GABBR2: variants seen among roughly 807,000 people sequenced by gnomAD.
GABBR2 encodes gamma-aminobutyric acid type B receptor subunit 2, also known as G-protein coupled receptor 51.
In GABBR2, 23 loss-of-function variants were observed where a neutral mutation model predicts 105.6. The observed-to-expected ratio is 0.22, with a 90% CI of 0.16 to 0.31. The LOEUF (loss-of-function observed/expected upper bound fraction) is 0.31, where lower values mean the gene tolerates loss of function less well. GABBR2 is among the 10% of genes least tolerant of loss of function. The pLI, the probability that GABBR2 is intolerant of heterozygous loss-of-function variation, is 1.00. For missense variants in GABBR2, 734 were observed against 1,245.5 expected (o/e 0.59, Z 6.18); for synonymous variants, 478 against 499.7 (o/e 0.96, Z 0.58).
chr9:98,529,793 A>G (rs1460357058), intron 3 of GABBR2, among the ~76,000 whole-genome samples: 1 of 151,568 alleles, frequency 6.6e-6, no homozygotes, highest in African/African-American at 2.4e-5. Context: ...GACTGCTACT[A>G]TCTCACTTCT....
At chr9:98,382,093 G>A (rs1831987269) in intron 11 of GABBR2, among the ~76,000 whole-genome samples, 1 of 152,158 alleles carries the variant, frequency 6.6e-6, no homozygotes, top group South Asian at 2.1e-4. Flanking sequence ...GTCTGCTGCA[G>A]GAATCTCTGC....
Position 98,617,152 on chromosome 9 carries a change from A to T in GABBR2, c.322-39080T>A, listed in dbSNP as rs552635759. On this transcript the variant is annotated intron_variant, in intron 1 of 18. Transcript: ENST00000259455. ...TCCACCACGATAAATTCTCTTTATGATGGATGATCACAAGTTTCTGTCAGA... is the reference window on the plus strand; with the variant it reads ...TCCACCACGATAAATTCTCTTTATGTTGGATGATCACAAGTTTCTGTCAGA... Among the ~76,000 whole-genome samples the T allele has an allele frequency of 1.3e-3, 204 of 152,282 alleles. 1 individual carries two copies. Among genetic ancestry groups the T allele is most frequent in the African/African-American group, 4.6e-3 (193 of 41,552 alleles).
At chr9:98,700,432 G>A (rs986008600) in intron 1 of GABBR2, among the ~76,000 whole-genome samples, 1 of 152,202 alleles carries the variant, frequency 6.6e-6, no homozygotes, top group Non-Finnish European at 1.5e-5. Context: ...GGGGATTCTA[G>A]AGCCTGGCTC....
chr9:98,639,599 C>CAAAA (rs113683310), intron 1 of GABBR2, among the ~76,000 whole-genome samples: 1 of 141,210 alleles, frequency 7.1e-6, no homozygotes, highest in African/African-American at 2.6e-5. Context: ...CACGCATAGA[C>CAAAA]AAAAAAAAAA....
chr9:98,650,977 T>G (rs1291125959), intron 1 of GABBR2, among the ~76,000 whole-genome samples: 4 of 152,090 alleles, frequency 2.6e-5, no homozygotes, highest in Non-Finnish European at 4.4e-5. Flanking sequence ...ATGGAAAAGA[T>G]TATTGAGTAG....
intron 11 of GABBR2, among the ~76,000 whole-genome samples, chr9:98,385,319 C>T (rs1444046347): frequency 6.6e-6 from 1 of 152,226 alleles, no homozygotes; most frequent in African/African-American, 2.4e-5. Flanking sequence ...CCTCCCTCCT[C>T]AGCCTCCTGA....
chr9:98,567,025 A>G (rs1208015369), intron 2 of GABBR2, among the ~76,000 whole-genome samples: 1 of 152,148 alleles, frequency 6.6e-6, no homozygotes, highest in African/African-American at 2.4e-5. Flanking sequence ...TCTAGATGCA[A>G]TCTGTAATTC....
At chr9:98,427,918 G>T (rs1436536657) in intron 7 of GABBR2, among the ~76,000 whole-genome samples, 1 of 152,154 alleles carries the variant, frequency 6.6e-6, no homozygotes, top group African/African-American at 2.4e-5. Context: ...CAGCACTAGT[G>T]AGCCTTAGAA....
intron 1 of GABBR2, among the ~76,000 whole-genome samples, chr9:98,597,681 C>G (rs762765888): frequency 1.3e-5 from 2 of 152,058 alleles, no homozygotes; most frequent in African/African-American, 4.8e-5. Flanking sequence ...CCAGAGCCAC[C>G]TGGGGTGAGG....
chr9:98,318,210 C>G (rs890521724), intron 13 of GABBR2, among the ~76,000 whole-genome samples: 1 of 152,168 alleles, frequency 6.6e-6, no homozygotes, highest in South Asian at 2.1e-4. Flanking sequence ...TTCAGGTGCG[C>G]GGTCCCGGGT....
At chr9:98,608,219 A>G (rs1588250320) in intron 1 of GABBR2, 1 of 808,500 alleles carries the variant, frequency 1.2e-6, no homozygotes, top group East Asian at 2.7e-5. Flanking sequence ...GACCAATTTG[A>G]GCCAGTTTTA....
intron 11 of GABBR2, among the ~76,000 whole-genome samples, chr9:98,372,948 ATTTTCT>A (rs111775866): frequency 0.14 from 21,773 of 151,662 alleles, 1,724 homozygotes; most frequent in Middle Eastern, 0.2. Context: ...TTAGCCTTCT[ATTTTCT>A]TTTTCTTTTT....
intron 1 of GABBR2, among the ~76,000 whole-genome samples, chr9:98,656,616 G>A (rs1225937266): frequency 1.3e-5 from 2 of 152,118 alleles, no homozygotes; most frequent in African/African-American, 2.4e-5. Flanking sequence ...TAATTACCCC[G>A]TATGTTGCTT....
chr9:98,367,298 T>TTA (rs1554695806), intron 12 of GABBR2, among the ~76,000 whole-genome samples: 2 of 110,198 alleles, frequency 1.8e-5, no homozygotes, highest in South Asian at 3.1e-4. Context: ...TATATGTCAG[T>TTA]AAAAAAAAAA....
chr9:98,395,926 T>C (rs1020552352), intron 8 of GABBR2, among the ~76,000 whole-genome samples: 4 of 152,140 alleles, frequency 2.6e-5, no homozygotes, highest in African/African-American at 9.7e-5. Context: ...AGTGCTATTT[T>C]ATGTACATTT....
At chr9:98,631,239 G>A (rs1219713849) in intron 1 of GABBR2, among the ~76,000 whole-genome samples, 2 of 152,144 alleles carry the variant, frequency 1.3e-5, no homozygotes, top group Non-Finnish European at 2.9e-5. Flanking sequence ...GCAGCACAGG[G>A]TACAAAGTCC....
chr9:98,318,042 C>T (rs187127885), intron 13 of GABBR2, among the ~76,000 whole-genome samples: 19 of 152,232 alleles, frequency 1.2e-4, no homozygotes, highest in Admixed American at 1.2e-3. Flanking sequence ...TGGCAGAAGG[C>T]ATGGCAAGGG....
At chr9:98,678,762 A>C (rs978226416) in intron 1 of GABBR2, among the ~76,000 whole-genome samples, 2 of 152,064 alleles carry the variant, frequency 1.3e-5, no homozygotes, top group Admixed American at 1.3e-4. Context: ...GCCTGCACCC[A>C]TGGGCTCCAA....
intron 3 of GABBR2, among the ~76,000 whole-genome samples, chr9:98,505,919 T>C (rs944393601): frequency 6.6e-6 from 1 of 152,170 alleles, no homozygotes; most frequent in African/African-American, 2.4e-5. Flanking sequence ...GGCGATTTGT[T>C]TCGGCAGCCA....
Sources: gnomAD v4.1 joint callset for allele counts (sites outside exome capture counted in the v4.1 genomes callset) on GRCh38, gnomAD v4.1.1 for gene constraint, MANE v1.5 for transcripts, NCBI Gene and HGNC (gene_info 2026-07-23, HGNC 2026-07-21) for gene names.